Variants in HHIP observed in about 807,000 individuals in gnomAD.
HHIP encodes the protein hedgehog-interacting protein.
Under a neutral mutation model 74.0 loss-of-function variants are expected in HHIP, and 12 were observed. The observed-to-expected ratio is 0.16, with a 90% CI of 0.10 to 0.26. The LOEUF (loss-of-function observed/expected upper bound fraction) is 0.26. Among genes scored for constraint, HHIP ranks in the 10% least tolerant of loss-of-function variants. The pLI is 1.00. For synonymous variants in HHIP, 309 were observed against 311.6 expected (o/e 0.99, Z 0.09); for missense variants, 788 against 845.0 (o/e 0.93, Z 0.84).
intron 4 of HHIP, among the ~76,000 whole-genome samples, chr4:144,678,812 TC>T (rs759822377): frequency 5.8e-4 from 89 of 152,218 alleles, no homozygotes; most frequent in Non-Finnish European, 1.1e-3. Context: ...TTCGGTTGGT[TC>T]TTTGCTATTG....
intron 4 of HHIP, among the ~76,000 whole-genome samples, chr4:144,698,636 G>A (rs549649753): frequency 1.3e-5 from 2 of 152,240 alleles, no homozygotes; most frequent in African/African-American, 2.4e-5. Flanking sequence ...ATTGGACTAA[G>A]TTTAAAGGAA....
chr4:144,674,933 G>C (rs1729133632), intron 4 of HHIP, among the ~76,000 whole-genome samples: 1 of 152,106 alleles, frequency 6.6e-6, no homozygotes, highest in Admixed American at 6.6e-5. Context: ...TTTGCCTGTA[G>C]GGGGATGACC....
intron 11 of HHIP, among the ~76,000 whole-genome samples, chr4:144,727,389 A>G (rs1346293102): frequency 6.6e-6 from 1 of 152,104 alleles, no homozygotes; most frequent in Non-Finnish European, 1.5e-5. Context: ...TAGGGCCTCA[A>G]TATGTGATTT....
rs991345535 is a variant in HHIP, at chr4:144,744,695, C to T, written c.*6738C>T. The T allele has an allele frequency of 1.9e-4, 29 of 152,286 alleles. No individual in the cohort carries two copies. The highest frequency in any genetic ancestry group is 6.5e-4 in the African/African-American group (27 of 41,560). 9.4% of individuals were successfully genotyped at this position (152,286 alleles called of 1,614,324 possible). A position where few individuals can be genotyped will look rare whatever the true frequency, so the allele number is the denominator to read the frequency against. On this transcript the variant is annotated 3_prime_UTR_variant, in exon 13 of 13. Coordinates refer to ENST00000296575, the MANE Select transcript of HHIP (RefSeq NM_022475.3). Reference sequence around the variant, plus strand: ...AATCAATCTTCTATTATTCAATCATCTATCCATTTATTAATTCAACAAATA... The same window carrying T: ...AATCAATCTTCTATTATTCAATCATTTATCCATTTATTAATTCAACAAATA...
At chr4:144,727,026 A>G (rs1455420377) in intron 11 of HHIP, among the ~76,000 whole-genome samples, 1 of 152,234 alleles carries the variant, frequency 6.6e-6, no homozygotes, top group Non-Finnish European at 1.5e-5. Context: ...AAAGCTGCAC[A>G]GATCTTGAGG....
At chr4:144,664,033 A>G (rs960972503) in intron 4 of HHIP, among the ~76,000 whole-genome samples, 2 of 152,164 alleles carry the variant, frequency 1.3e-5, no homozygotes, top group African/African-American at 4.8e-5. Context: ...AGTTCTTGCG[A>G]GTGGTCAGAG....
intron 5 of HHIP, 149 bp downstream of exon 5, chr4:144,706,831 T>C: frequency 1.3e-6 from 1 of 767,112 alleles, no homozygotes; most frequent in African/African-American, 1.8e-5. Flanking sequence ...AAACTCCATA[T>C]GTGTCTTTAA....
intron 2 of HHIP, among the ~76,000 whole-genome samples, chr4:144,656,430 G>C (rs1230567501): frequency 6.6e-6 from 1 of 152,100 alleles, no homozygotes; most frequent in African/African-American, 2.4e-5. Flanking sequence ...GTTTGAAAAT[G>C]ACTTCTCATT....
chr4:144,704,335 CT>C (rs1261721673), intron 4 of HHIP, among the ~76,000 whole-genome samples: 1 of 152,128 alleles, frequency 6.6e-6, no homozygotes, highest in African/African-American at 2.4e-5. Context: ...GAATTACTGA[CT>C]TTTTTTAAAT....
intron 4 of HHIP, among the ~76,000 whole-genome samples, chr4:144,673,239 G>A (rs1224107549): frequency 6.6e-6 from 1 of 152,170 alleles, no homozygotes; most frequent in Admixed American, 6.5e-5. Flanking sequence ...GTCAATACTT[G>A]AAAGAATATT....
intron 4 of HHIP, among the ~76,000 whole-genome samples, chr4:144,686,112 G>C (rs1392171491): frequency 6.6e-6 from 1 of 152,130 alleles, no homozygotes. Context: ...TGCTTTCTTG[G>C]AACAGCTTGT....
chr4:144,725,183 G>A (rs1730762616), intron 11 of HHIP, among the ~76,000 whole-genome samples: 1 of 152,106 alleles, frequency 6.6e-6, no homozygotes, highest in African/African-American at 2.4e-5. Context: ...GTCTGAAACA[G>A]TCATGCAAAT....
chr4:144,708,389 C>T (rs1730206711), intron 7 of HHIP, 78 bp downstream of exon 7: 2 of 1,446,654 alleles, frequency 1.4e-6, no homozygotes, highest in Non-Finnish European at 9.6e-7. Flanking sequence ...TAGCATAGAG[C>T]ATATACCATC....
chr4:144,726,762 G>T (rs1177335076), intron 11 of HHIP, among the ~76,000 whole-genome samples: 1 of 152,174 alleles, frequency 6.6e-6, no homozygotes, highest in East Asian at 1.9e-4. Flanking sequence ...AGCAGAAAAA[G>T]CCTTCTCAAC....
intron 5 of HHIP, 97 bp downstream of exon 5, chr4:144,706,779 C>T (rs1364532453): frequency 3.7e-6 from 4 of 1,081,364 alleles, no homozygotes; most frequent in Non-Finnish European, 1.3e-6. Flanking sequence ...AATAAGTAAC[C>T]ATAAGGTGGC....
At chr4:144,722,805 G>A (rs1730675028) in intron 11 of HHIP, among the ~76,000 whole-genome samples, 1 of 151,898 alleles carries the variant, frequency 6.6e-6, no homozygotes, top group African/African-American at 2.4e-5. Context: ...AGTGAGCTGA[G>A]ATCACACCAC....
intron 7 of HHIP, among the ~76,000 whole-genome samples, chr4:144,710,165 C>T (rs1298318656): frequency 1.3e-5 from 2 of 152,218 alleles, no homozygotes; most frequent in Non-Finnish European, 2.9e-5. Context: ...GCAACTCTAC[C>T]TGGCCTGCTT....
intron 8 of HHIP, 23 bp from the exon 9 acceptor site, chr4:144,714,202 T>C (rs771775026): frequency 5.0e-6 from 8 of 1,601,684 alleles, no homozygotes; most frequent in Non-Finnish European, 6.0e-6. Context: ...TTTCATTTGA[T>C]CTAATGCTAT....
rs1731307842 is a variant in HHIP at position 144,743,028 on chromosome 4, T to C, written c.*5071T>C. The C allele has an allele frequency of 1.6e-5, 2 of 128,118 alleles. No homozygotes were observed. Among genetic ancestry groups the C allele is most frequent in the African/African-American group, 5.6e-5 (2 of 35,428 alleles). 7.9% of individuals were successfully genotyped at this position (128,118 alleles called of 1,614,324 possible). A position where few individuals can be genotyped will look rare whatever the true frequency, so the allele number is the denominator to read the frequency against. ...ATATATATTATATATATATAATATATATCTTATATATATATATATCTTAAT... is the reference window on the plus strand; with the variant it reads ...ATATATATTATATATATATAATATACATCTTATATATATATATATCTTAAT... On this transcript the variant is annotated 3_prime_UTR_variant, in exon 13 of 13. Transcript: ENST00000296575.
Sources: gnomAD v4.1 joint callset for allele counts (sites outside exome capture counted in the v4.1 genomes callset) on GRCh38, gnomAD v4.1.1 for gene constraint, MANE v1.5 for transcripts, NCBI Gene and HGNC (gene_info 2026-07-23, HGNC 2026-07-21) for gene names.